The following HOMER2 variants were observed in gnomAD, a reference collection of about 807,000 sequenced individuals.
HOMER2 encodes the protein homer protein homolog 2.
Under a neutral mutation model 47.0 loss-of-function variants are expected in HOMER2, and 27 were observed. The observed-to-expected ratio is 0.57, with a 90% CI of 0.42 to 0.79. HOMER2 has a LOEUF of 0.79. HOMER2 is among the 30% of genes least tolerant of loss of function. The probability of loss-of-function intolerance (pLI) is 0.00; values close to 1 mark genes in which losing one functional copy is unlikely to be tolerated. For missense variants in HOMER2, 443 were observed against 435.0 expected, an observed-to-expected ratio of 1.02 and a Z score of -0.16; for synonymous variants, 161 against 163.8, an observed-to-expected ratio of 0.98 and a Z score of 0.13.
At chr15:82,919,081 G>C (rs928018844) in intron 1 of HOMER2, among the ~76,000 whole-genome samples, 2 of 152,192 alleles carry the variant, frequency 1.3e-5, no homozygotes, top group Non-Finnish European at 2.9e-5. Flanking sequence ...AGGAGTCCCA[G>C]GGCTGGGCAC....
At chr15:82,906,083 A>G (rs1387078239) in intron 1 of HOMER2, among the ~76,000 whole-genome samples, 1 of 152,232 alleles carries the variant, frequency 6.6e-6, no homozygotes, top group Non-Finnish European at 1.5e-5. Context: ...TGTACTACAC[A>G]TGAAGCAATA....
At chr15:82,941,418 G>A (rs1189744620) in intron 1 of HOMER2, among the ~76,000 whole-genome samples, 2 of 140,432 alleles carry the variant, frequency 1.4e-5, no homozygotes, top group Non-Finnish European at 3.0e-5. Context: ...ACTCTAGCCT[G>A]GGCGACAGAG....
At chr15:82,841,048 C>T (rs2051171354) in exon 2 of HOMER2, 1 of 151,866 alleles carries the variant, frequency 6.6e-6, no homozygotes, top group South Asian at 2.1e-4. Flanking sequence ...ATGAAAAATT[C>T]CATAATAAAA....
At chr15:82,932,159 G>A (rs977350540) in intron 1 of HOMER2, among the ~76,000 whole-genome samples, 7 of 152,182 alleles carry the variant, frequency 4.6e-5, no homozygotes, top group Non-Finnish European at 8.8e-5. Context: ...ATCTAGGTGG[G>A]CAAGCAAAGG....
intron 1 of HOMER2, among the ~76,000 whole-genome samples, chr15:82,893,349 T>G (rs1033615733): frequency 6.0e-5 from 9 of 149,586 alleles, no homozygotes; most frequent in Non-Finnish European, 1.2e-4. Flanking sequence ...TTTTTTTTTT[T>G]GGATATAGAG....
At chr15:82,961,023 G>T (rs958783920) in intron 1 of HOMER2, among the ~76,000 whole-genome samples, 1 of 152,226 alleles carries the variant, frequency 6.6e-6, no homozygotes, top group Non-Finnish European at 1.5e-5. Flanking sequence ...CCCAGCTTCT[G>T]TGTAGGGCAG....
chr15:82,963,540 C>A (rs1307839396), intron 1 of HOMER2, among the ~76,000 whole-genome samples: 1 of 152,138 alleles, frequency 6.6e-6, no homozygotes, highest in African/African-American at 2.4e-5. Context: ...ACAGTGTTTC[C>A]CCAAACTTGC....
intron 1 of HOMER2, among the ~76,000 whole-genome samples, chr15:82,979,958 A>G (rs900611312): frequency 3.3e-5 from 5 of 152,154 alleles, no homozygotes. Context: ...TGGAAGCTGA[A>G]GCCACAAAAG....
At chr15:82,902,100 C>T (rs574391490) in intron 1 of HOMER2, among the ~76,000 whole-genome samples, 1 of 152,204 alleles carries the variant, frequency 6.6e-6, no homozygotes, top group African/African-American at 2.4e-5. Flanking sequence ...AAATTCATCC[C>T]ACCTGAATCT....
chr15:82,918,547 T>C (rs539061424), intron 1 of HOMER2, among the ~76,000 whole-genome samples: 95 of 152,016 alleles, frequency 6.2e-4, no homozygotes, highest in Middle Eastern at 3.4e-3. Flanking sequence ...CTCCATGGGG[T>C]TTCCCCTCCA....
chr15:82,908,736 T>A (rs553844884), intron 1 of HOMER2, among the ~76,000 whole-genome samples: 49 of 145,986 alleles, frequency 3.4e-4, no homozygotes, highest in Non-Finnish European at 6.6e-4. Flanking sequence ...TCAGCTGTTT[T>A]GCTTTTTTTT....
intron 1 of HOMER2, among the ~76,000 whole-genome samples, chr15:82,908,345 G>A (rs976135893): frequency 1.3e-5 from 2 of 152,170 alleles, no homozygotes; most frequent in African/African-American, 4.8e-5. Flanking sequence ...TTCAGACTGA[G>A]CTTCTGCACT....
intron 1 of HOMER2, among the ~76,000 whole-genome samples, chr15:82,961,616 T>G (rs1437292503): frequency 6.6e-6 from 1 of 151,598 alleles, no homozygotes; most frequent in African/African-American, 2.4e-5. Flanking sequence ...CTAAACAAGT[T>G]TTTTTTTTAA....
At chr15:82,876,140 G>T (rs1462579335) in intron 2 of HOMER2, among the ~76,000 whole-genome samples, 1 of 152,176 alleles carries the variant, frequency 6.6e-6, no homozygotes, top group Non-Finnish European at 1.5e-5. Flanking sequence ...AACTGGGGGA[G>T]CAAACACCCT....
intron 1 of HOMER2, among the ~76,000 whole-genome samples, chr15:82,949,854 C>T (rs889597144): frequency 2.0e-5 from 3 of 152,176 alleles, no homozygotes; most frequent in Non-Finnish European, 2.9e-5. Context: ...GTGGCTGCCA[C>T]GCAGATACAG....
intron 4 of HOMER2, among the ~76,000 whole-genome samples, chr15:82,860,491 T>C (rs1209616280): frequency 6.6e-6 from 1 of 152,188 alleles, no homozygotes; most frequent in Non-Finnish European, 1.5e-5. Flanking sequence ...TTGCATATGT[T>C]CACATTTTTT....
chr15:82,967,774 G>A (rs937586918), intron 1 of HOMER2, among the ~76,000 whole-genome samples: 4 of 151,962 alleles, frequency 2.6e-5, no homozygotes, highest in Admixed American at 1.3e-4. Flanking sequence ...TTACTCAGGA[G>A]GCTGAGGCAG....
At chr15:82,921,396 G>A (rs972280842) in intron 1 of HOMER2, among the ~76,000 whole-genome samples, 1 of 152,028 alleles carries the variant, frequency 6.6e-6, no homozygotes, top group South Asian at 2.1e-4. Context: ...CTCCCCTTCC[G>A]GACTCCTTGG....
exon 2 of HOMER2, chr15:82,838,343 G>C (rs1391268172): frequency 1.3e-5 from 2 of 152,348 alleles, no homozygotes; most frequent in Non-Finnish European, 2.9e-5. Context: ...GGCAGGCGCA[G>C]CGGGGCCACT....
Sources: allele counts gnomAD v4.1 joint callset (sites outside exome capture counted in the v4.1 genomes callset), GRCh38; gene constraint gnomAD v4.1.1; transcripts MANE v1.5; gene names NCBI Gene and HGNC (gene_info 2026-07-23, HGNC 2026-07-21).